The following GTF2F1 variants were observed in gnomAD, a reference collection of about 807,000 sequenced individuals.
GTF2F1 encodes general transcription factor IIF subunit 1, also known as general transcription factor IIF 74 kDa subunit.
A neutral mutation model predicts 63.5 loss-of-function variants in GTF2F1; 39 were observed. The observed-to-expected ratio is 0.61, with a 90% CI of 0.48 to 0.80. GTF2F1 has a LOEUF of 0.80. Among genes scored for constraint, GTF2F1 ranks in the 30% least tolerant of loss-of-function variants. The pLI, the probability that GTF2F1 is intolerant of heterozygous loss-of-function variation, is 0.00. For missense variants in GTF2F1, 657 were observed against 718.3 expected, an observed-to-expected ratio of 0.91 and a Z score of 0.97; for synonymous variants, 287 against 285.3, an observed-to-expected ratio of 1.01 and a Z score of -0.06.
At position 6,379,992 on chromosome 19, in the gene GTF2F1, T is replaced by G; in HGVS notation, c.*289A>C. ...TTACCCAGTGGGCAGCACAGGCCCTTGGTCAGTGTGAGGGAGGCCGAGCCA... is the reference window on the plus strand; with the variant it reads ...TTACCCAGTGGGCAGCACAGGCCCTGGGTCAGTGTGAGGGAGGCCGAGCCA... On this transcript the variant is annotated 3_prime_UTR_variant, in exon 13 of 13. Coordinates refer to ENST00000394456, the MANE Select transcript of GTF2F1 (RefSeq NM_002096.3). 2.0e-6 allele frequency: 1 copy of G among 488,082 alleles called. No homozygotes were observed. The highest frequency in any genetic ancestry group is 3.3e-5 in the Admixed American group (1 of 30,280). 30.2% of individuals were successfully genotyped at this position (488,082 alleles called of 1,614,324 possible). A position where few individuals can be genotyped will look rare whatever the true frequency, so the allele number is the denominator to read the frequency against.
At chr19:6,392,481 A>T in intron 2 of GTF2F1, 1 of 519,000 alleles carries the variant, frequency 1.9e-6, no homozygotes. Context: ...GTCACAGTTT[A>T]GGGGTTGAGG....
intron 3 of GTF2F1, 144 bp from the exon 4 acceptor site, chr19:6,389,781 T>C: frequency 1.5e-6 from 1 of 663,448 alleles, no homozygotes. Flanking sequence ...AGGAGAACGG[T>C]AGCCTTTGAC....
In GTF2F1 at chr19:6,392,520, G is replaced by A. The variant is rs932837375; in HGVS notation, c.59+337C>T. 7.3e-6 allele frequency: 4 copies of A among 549,138 alleles called. No homozygotes were observed. In the African/African-American group the frequency reaches 7.5e-5, roughly 10 times the overall value. 34.0% of individuals were successfully genotyped at this position (549,138 alleles called of 1,614,324 possible). ...GGCACTCATGGCAGAGGAACAGGAT[G>A]TACAAAGGCCTGGAAAGGAAAGACA... On this transcript the variant is annotated intron_variant, in intron 2 of 12. Coordinates refer to ENST00000394456, the MANE Select transcript of GTF2F1 (RefSeq NM_002096.3).
Position 6,380,968 on chromosome 19 carries a change from C to T in GTF2F1, c.1167G>A (p.Thr389=), listed in dbSNP as rs770601677. 2.1e-5 allele frequency: 34 copies of T among 1,601,066 alleles called. No homozygotes were observed. The highest frequency in any genetic ancestry group is 2.7e-5 in the African/African-American group (2 of 74,746). ...AGGTGCTGCCACCCTCTGCGCTGGG[C>T]GTGCCTGGGCGGCTGTTGCCCCTTG... is the stretch of plus-strand genomic sequence containing the variant. ...GSSRGNSRPG[T]PSAEGGSTSS... The change falls in exon 11 of 13, where the codon ACG becomes ACA. Residue 389 remains threonine (T), a synonymous_variant. Transcript: ENST00000394456. This position sits in a 1 kb window ranked among gnomAD's most constrained non-coding sequence, Gnocchi z 5.3.
In GTF2F1 at chr19:6,383,571, A is replaced by T; in HGVS notation, c.498-76T>A. The T allele has an allele frequency of 6.7e-7, 1 of 1,490,520 alleles. No individual in the cohort carries two copies. Among genetic ancestry groups the T allele is most frequent in the Non-Finnish European group, 9.2e-7 (1 of 1,085,278 alleles). The allele number at this position is 1,490,520 out of a possible 1,614,324, so 92.3% of individuals were successfully genotyped here. ...TCTGTGCTTGCAGGGGGCGAGCCCC[A>T]GGGCACCACCCACATAGCCTTCAAG... On this transcript the variant is annotated intron_variant, in intron 5 of 12. Transcript: ENST00000394456. The surrounding 1 kb of genome is among the most constrained non-coding windows in gnomAD (Gnocchi z 4.5).
intron 5 of GTF2F1, among the ~76,000 whole-genome samples, chr19:6,386,451 T>C (rs2091974295): frequency 6.6e-6 from 1 of 152,100 alleles, no homozygotes; most frequent in African/African-American, 2.4e-5. Flanking sequence ...AGGTGTTTTA[T>C]TTGTTTTGTT....
chr19:6,390,815 G>A (rs771317075), intron 3 of GTF2F1, among the ~76,000 whole-genome samples: 1 of 152,028 alleles, frequency 6.6e-6, no homozygotes, highest in Non-Finnish European at 1.5e-5. Flanking sequence ...GGGAGGTGGA[G>A]GTTGCAGTGA....
In GTF2F1 at chr19:6,387,530, G is replaced by A; in HGVS notation, c.356C>T (p.Thr119Ile). Residue 119 changes from threonine (T) to isoleucine (I), a missense_variant, in exon 5 of 13, where the codon ACA becomes ATA. Transcript: ENST00000394456. ...KFKGIKKGGV[T>I]ENTSYYIFTQ... is the part of the protein sequence containing the mutation. ...GAAGATGTAGTAGGACGTGTTCTCTGTTACGCCTCCCTTCTTGATGCCCTT... is the reference window on the plus strand; with the variant it reads ...GAAGATGTAGTAGGACGTGTTCTCTATTACGCCTCCCTTCTTGATGCCCTT... The A allele has an allele frequency of 6.2e-7, 1 of 1,614,206 alleles. No individual in the cohort carries two copies. Among genetic ancestry groups the A allele is most frequent in the Non-Finnish European group, 8.5e-7 (1 of 1,180,016 alleles).
In GTF2F1 at chr19:6,387,380, C is replaced by T. The variant is rs1317500478; in HGVS notation, c.497+9G>A. 2 of 1,612,920 alleles carry T rather than the reference C, an allele frequency of 1.2e-6. No homozygotes were observed. The highest frequency in any genetic ancestry group is 1.1e-5 in the South Asian group (1 of 91,024). On this transcript the variant is annotated intron_variant, in intron 5 of 12. Coordinates refer to ENST00000394456, the MANE Select transcript of GTF2F1 (RefSeq NM_002096.3). ...ACTTCTGTCCCCAGCCACCACCCAG[C>T]CCACTCACCTCTCCCACTCCTCCTC... is the stretch of plus-strand genomic sequence containing the variant.
At position 6,381,398 on chromosome 19, in the gene GTF2F1, TCTC is replaced by T. The variant is rs753012629; in HGVS notation, c.976_978del (p.Glu326del). On this transcript the variant is annotated inframe_deletion, in exon 9 of 13. Transcript: ENST00000394456. The surrounding 1 kb of genome is among the most constrained non-coding windows in gnomAD (Gnocchi z 4.1). ...TTCTCCTGCGGGGTGGGTGCCTTCTTCTCCTCCTCCTCCTCCTTGTCCTCCTCA... is the reference window on the plus strand; with the variant it reads ...TTCTCCTGCGGGGTGGGTGCCTTCTTCTCCTCCTCCTCCTTGTCCTCCTCA... 3.1e-4 allele frequency: 495 copies of T among 1,593,756 alleles called. No homozygotes were observed. Among genetic ancestry groups the T allele is most frequent in the South Asian group, 4.3e-4 (38 of 89,140 alleles).
In GTF2F1 at chr19:6,379,818, A is replaced by C. The variant is rs545205793; in HGVS notation, c.*463T>G. ...CAGTGGCACCATCATAGTTCACTGCAGCCTTGAACTGGGCTTAGCCTCCCA... is the reference window on the plus strand; with the variant it reads ...CAGTGGCACCATCATAGTTCACTGCCGCCTTGAACTGGGCTTAGCCTCCCA... On this transcript the variant is annotated 3_prime_UTR_variant, in exon 13 of 13. Transcript: ENST00000394456. 3.8e-4 allele frequency: 68 copies of C among 178,268 alleles called. No homozygotes were observed. The highest frequency in any genetic ancestry group is 6.8e-4 in the Non-Finnish European group (56 of 82,652). 11.0% of individuals were successfully genotyped at this position (178,268 alleles called of 1,614,324 possible).
intron 3 of GTF2F1, among the ~76,000 whole-genome samples, chr19:6,391,335 G>A (rs2091996221): frequency 6.6e-6 from 1 of 151,880 alleles, no homozygotes; most frequent in Admixed American, 6.6e-5. Context: ...CCAACAGTGG[G>A]CACAGCTTCT....
chr19:6,387,008 C>T (rs574275425), intron 5 of GTF2F1: 2 of 245,014 alleles, frequency 8.2e-6, no homozygotes, highest in East Asian at 2.3e-4. Context: ...TAACTGCACC[C>T]GCCCCACCTC....
At position 6,389,552 on chromosome 19, in the gene GTF2F1, C is replaced by T. The variant is rs375181613; in HGVS notation, c.218G>A (p.Arg73His). 37 of 1,614,074 alleles carry T rather than the reference C, an allele frequency of 2.3e-5. No homozygotes were observed. In the Middle Eastern group the frequency reaches 4.9e-4, roughly 22 times the overall value. ...PESGAGSEFN[R>H]KLREEARRKK... ...CCTCCGAGCCTCCTCCCGAAGCTTG[C>T]GGTTGAACTCACTGCCCGCGCCCGA... Residue 73 changes from arginine (R) to histidine (H), a missense_variant, in exon 4 of 13, where the codon CGC becomes CAC. Around this residue, in one of 2 missense-constraint regions of GTF2F1, gnomAD observed 602 missense variants for 625.6 expected, o/e 0.96. Transcript: ENST00000394456.
In GTF2F1 at chr19:6,389,449, G is replaced by T. The variant is rs753500247; in HGVS notation, c.321C>A (p.Gly107=). 2.5e-6 allele frequency: 4 copies of T among 1,613,442 alleles called. No homozygotes were observed. In the African/African-American group the frequency reaches 5.3e-5, roughly 22 times the overall value. Residue 107 remains glycine (G), a synonymous_variant, in exon 4 of 13, where the codon GGC becomes GGA. Transcript: ENST00000394456. ...GCCACCGCCCCACCACTTACTTCCT[G>T]CCTGATTTGCCGTTGACCCGGAGCA... ...PWLLRVNGKS[G]RKFKGIKKGG...
chr19:6,388,513 C>T (rs571570116), intron 4 of GTF2F1, among the ~76,000 whole-genome samples: 1 of 152,356 alleles, frequency 6.6e-6, no homozygotes, highest in East Asian at 1.9e-4. Context: ...CCCTCCTGTT[C>T]TGCCCTCAGT....
Position 6,381,182 on chromosome 19 carries a change from C to T in GTF2F1, c.1032G>A (p.Glu344=), listed in dbSNP as rs189869674. 3 of 1,609,602 alleles carry T rather than the reference C, an allele frequency of 1.9e-6. No homozygotes were observed. Among genetic ancestry groups the T allele is most frequent in the Middle Eastern group, 1.7e-4 (1 of 5,986 alleles). Residue 344 remains glutamate, a synonymous_variant, in exon 10 of 13, where the codon GAG becomes GAA. Coordinates refer to ENST00000394456, the MANE Select transcript of GTF2F1 (RefSeq NM_002096.3). The surrounding 1 kb of genome is among the most constrained non-coding windows in gnomAD (Gnocchi z 4.1). ...EKKRRKDSSE[E]SDSSEESDID... ...TGTCGCTCTCCTCTGAGCTGTCCGACTCCTCGCTGCTGTCTGCGGGGCACA... is the reference window on the plus strand; with the variant it reads ...TGTCGCTCTCCTCTGAGCTGTCCGATTCCTCGCTGCTGTCTGCGGGGCACA...
In GTF2F1 at chr19:6,380,267, T is replaced by C; in HGVS notation, c.*14A>G. ...TTAAGTTCTGGGGGGCAGAGCCATG[T>C]ATTGGACCAAGCCTCACTCCTTGAG... On this transcript the variant is annotated 3_prime_UTR_variant, in exon 13 of 13. Coordinates refer to ENST00000394456, the MANE Select transcript of GTF2F1 (RefSeq NM_002096.3). This position sits in a 1 kb window ranked among gnomAD's most constrained non-coding sequence, Gnocchi z 5.3. The C allele has an allele frequency of 6.2e-7, 1 of 1,606,240 alleles. No homozygotes were observed. Among genetic ancestry groups the C allele is most frequent in the Non-Finnish European group, 8.5e-7 (1 of 1,172,912 alleles).
Position 6,381,591 on chromosome 19 carries a change from G to A in GTF2F1, c.861C>T (p.Ser287=), listed in dbSNP as rs1175309609. ...CCTCCTGCTGCGGCGCCTTGGCCTTGCTCTCAGGCTCTTCTTGGGAGCTAC... is the reference window on the plus strand; with the variant it reads ...CCTCCTGCTGCGGCGCCTTGGCCTTACTCTCAGGCTCTTCTTGGGAGCTAC... ...GSSSSQEEPE[S]KAKAPQQEEG... is the part of the protein sequence containing the mutation. The change falls in exon 8 of 13, where the codon AGC becomes AGT. Residue 287 remains serine (S), a synonymous_variant. Transcript: ENST00000394456. This position sits in a 1 kb window ranked among gnomAD's most constrained non-coding sequence, Gnocchi z 4.1. 6.2e-7 allele frequency: 1 copy of A among 1,613,784 alleles called. No homozygotes were observed. The highest frequency in any genetic ancestry group is 1.1e-5 in the South Asian group (1 of 91,088).
Sources: gnomAD v4.1 joint callset for allele counts (sites outside exome capture counted in the v4.1 genomes callset) on GRCh38, gnomAD v4.1.1 for gene constraint, gnomAD v4.1.1 regional missense constraint, Gnocchi (gnomAD v3.1) non-coding constraint, MANE v1.5 for transcripts, NCBI Gene and HGNC (gene_info 2026-07-23, HGNC 2026-07-21) for gene names.